UBTD1: variants seen among roughly 807,000 people sequenced by gnomAD.
The protein encoded by UBTD1 is ubiquitin domain-containing protein 1.
A neutral mutation model predicts 21.7 loss-of-function variants in UBTD1; 19 were observed. That is an observed-to-expected ratio of 0.87 (90% confidence interval 0.61 to 1.28). The LOEUF (loss-of-function observed/expected upper bound fraction) is 1.28. Among genes scored for constraint, UBTD1 ranks in the 50% most tolerant of loss-of-function variants. The probability of loss-of-function intolerance (pLI) is 0.00; values close to 1 mark genes in which losing one functional copy is unlikely to be tolerated. For missense variants in UBTD1, 282 were observed against 315.1 expected (o/e 0.89, Z 0.80); for synonymous variants, 116 against 135.1 (o/e 0.86, Z 0.98).
chr10:97,512,749 T>A (rs1463451550), intron 1 of UBTD1, among the ~76,000 whole-genome samples: 1 of 152,104 alleles, frequency 6.6e-6, no homozygotes, highest in Non-Finnish European at 1.5e-5. Context: ...CACCAAGCAG[T>A]TTTTCTGCAG....
intron 1 of UBTD1, among the ~76,000 whole-genome samples, chr10:97,514,047 T>C (rs1382553612): frequency 2.6e-5 from 4 of 151,320 alleles, no homozygotes. Context: ...TGAGATCAAA[T>C]CTGTTGTGTC....
rs200878682 is a variant in UBTD1, at chr10:97,500,367, G to GA, written c.70+1096dup. 2.6e-4 allele frequency among the ~76,000 whole-genome samples: 39 copies of GA among 152,326 alleles called. 1 individual carries two copies. The East Asian group carries it at 7.1e-3, about 28-fold the overall frequency. ...GCGGAAACTGGGAAGGAAGATGGGGGAACCAGGGGAAGCAGGGAAGGATGT... is the reference window on the plus strand; with the variant it reads ...GCGGAAACTGGGAAGGAAGATGGGGGAAACCAGGGGAAGCAGGGAAGGATGT... On this transcript the variant is annotated intron_variant, in intron 1 of 2. Transcript: ENST00000370664.
intron 1 of UBTD1, 40 bp from the exon 2 acceptor site, chr10:97,567,874 G>A: frequency 6.2e-7 from 1 of 1,606,176 alleles, no homozygotes; most frequent in African/African-American, 1.3e-5. Flanking sequence ...CAGCTCAAGT[G>A]GCTTTAGAGA....
intron 1 of UBTD1, among the ~76,000 whole-genome samples, chr10:97,527,360 C>T (rs935927367): frequency 2.0e-5 from 3 of 151,816 alleles, no homozygotes; most frequent in Non-Finnish European, 4.4e-5. Flanking sequence ...CTTGGCTTTG[C>T]CCCTTCAGAG....
intron 1 of UBTD1, among the ~76,000 whole-genome samples, chr10:97,507,319 A>G (rs2040403284): frequency 1.3e-5 from 2 of 152,156 alleles, no homozygotes; most frequent in South Asian, 4.1e-4. Flanking sequence ...ATCTCTGGGA[A>G]AACAGACATC....
intron 1 of UBTD1, among the ~76,000 whole-genome samples, chr10:97,528,026 G>A (rs1321038521): frequency 4.0e-5 from 6 of 150,404 alleles, no homozygotes; most frequent in Non-Finnish European, 4.5e-5. Context: ...AGAGGCGGCC[G>A]GGCAGAGGCG....
chr10:97,503,851 G>A (rs893342806), intron 1 of UBTD1, among the ~76,000 whole-genome samples: 1 of 152,012 alleles, frequency 6.6e-6, no homozygotes, highest in Non-Finnish European at 1.5e-5. Context: ...TATATATGCT[G>A]GTGACTCCTC....
intron 1 of UBTD1, among the ~76,000 whole-genome samples, chr10:97,513,226 G>T (rs1356521916): frequency 1.3e-5 from 2 of 152,188 alleles, no homozygotes; most frequent in Non-Finnish European, 2.9e-5. Context: ...GCAAATGTGT[G>T]TGCACATATT....
At chr10:97,556,252 G>C (rs1398403367) in intron 1 of UBTD1, among the ~76,000 whole-genome samples, 1 of 152,140 alleles carries the variant, frequency 6.6e-6, no homozygotes, top group Admixed American at 6.5e-5. Context: ...TTGCATGGGG[G>C]CATGTGCCAG....
At position 97,551,855 on chromosome 10, in the gene UBTD1, C is replaced by T. The variant is rs77371451; in HGVS notation, c.71-16059C>T. ...AAAATATAAACCAAGAAGAAATCAT[C>T]GGTAACTGCCAATGAAATATAACCA... On this transcript the variant is annotated intron_variant, in intron 1 of 2. Coordinates refer to ENST00000370664, the MANE Select transcript of UBTD1 (RefSeq NM_024954.5). Among the ~76,000 whole-genome samples, 468 of 152,212 alleles carry T rather than the reference C, an allele frequency of 3.1e-3. 4 individuals carry two copies. Among genetic ancestry groups the T allele is most frequent in the African/African-American group, 0.011 (440 of 41,538 alleles).
chr10:97,528,964 C>T (rs1246459267), intron 1 of UBTD1, among the ~76,000 whole-genome samples: 43 of 151,992 alleles, frequency 2.8e-4, no homozygotes, highest in Non-Finnish European at 4.7e-4. Context: ...ACCTCCCTCC[C>T]GGACAGGGTG....
At chr10:97,515,968 C>G (rs2040442540) in intron 1 of UBTD1, among the ~76,000 whole-genome samples, 1 of 152,230 alleles carries the variant, frequency 6.6e-6, no homozygotes, top group African/African-American at 2.4e-5. Flanking sequence ...TGATCAGGAG[C>G]TCTGGTCCCA....
At chr10:97,562,616 C>G (rs1028435108) in intron 1 of UBTD1, among the ~76,000 whole-genome samples, 1 of 151,598 alleles carries the variant, frequency 6.6e-6, no homozygotes, top group Non-Finnish European at 1.5e-5. Flanking sequence ...TTCACAAGGG[C>G]GGGGGAATAT....
At position 97,570,690 on chromosome 10, in the gene UBTD1, C is replaced by T. The variant is rs780278529; in HGVS notation, c.*167C>T. On this transcript the variant is annotated 3_prime_UTR_variant, in exon 3 of 3. Transcript: ENST00000370664. This position sits in a 1 kb window ranked among gnomAD's most constrained non-coding sequence, Gnocchi z 6.6. ...CAGGGCACTACGCGCCACCAGTTCC[C>T]GGTACCCAGGGAGCAGGCAGCCACA... 3.5e-5 allele frequency: 29 copies of T among 824,584 alleles called. No individual in the cohort carries two copies. The highest frequency in any genetic ancestry group is 5.2e-5 in the Non-Finnish European group (28 of 539,140). 51.1% of individuals were successfully genotyped at this position (824,584 alleles called of 1,614,324 possible).
At chr10:97,529,217 A>T (rs1409108169) in intron 1 of UBTD1, among the ~76,000 whole-genome samples, 1 of 151,036 alleles carries the variant, frequency 6.6e-6, no homozygotes, top group Non-Finnish European at 1.5e-5. Context: ...GCGGCCGGGA[A>T]GAGGCGCTCC....
chr10:97,507,774 C>CAAAAAAAA (rs61128714), intron 1 of UBTD1, among the ~76,000 whole-genome samples: 1 of 59,542 alleles, frequency 1.7e-5, no homozygotes, highest in African/African-American at 6.5e-5. Context: ...GACTCCGTCT[C>CAAAAAAAA]AAAAAAAAAA....
At chr10:97,568,804 G>C (rs2040731022) in intron 2 of UBTD1, among the ~76,000 whole-genome samples, 1 of 152,146 alleles carries the variant, frequency 6.6e-6, no homozygotes, top group South Asian at 2.1e-4. Flanking sequence ...GGTGACAGTG[G>C]AGCCCTAGAA....
At chr10:97,547,274 G>A (rs1338080260) in intron 1 of UBTD1, among the ~76,000 whole-genome samples, 1 of 152,178 alleles carries the variant, frequency 6.6e-6, no homozygotes, top group Non-Finnish European at 1.5e-5. Context: ...AAAGCACAGT[G>A]GCTGAGAAAA....
At chr10:97,527,881 T>A (rs1367711964) in intron 1 of UBTD1, among the ~76,000 whole-genome samples, 2 of 152,234 alleles carry the variant, frequency 1.3e-5, no homozygotes, top group East Asian at 3.8e-4. Flanking sequence ...ACCATCCGAT[T>A]TCTCAATCTT....
Sources: allele counts gnomAD v4.1 joint callset (sites outside exome capture counted in the v4.1 genomes callset), GRCh38; gene constraint gnomAD v4.1.1; non-coding constraint Gnocchi (gnomAD v3.1); transcripts MANE v1.5; gene names NCBI Gene and HGNC (gene_info 2026-07-23, HGNC 2026-07-21).